The following IRF1 variants were observed in gnomAD, a reference collection of about 807,000 sequenced individuals.
IRF1 encodes interferon regulatory factor-1.
IRF1 carries 13 observed loss-of-function variants against 43.7 expected under a neutral mutation model. That is an observed-to-expected ratio of 0.30 (90% CI 0.19 to 0.47). The LOEUF is 0.47. Ranked by LOEUF, IRF1 falls within the 20% of genes least tolerant of loss-of-function variation. The pLI, the probability that IRF1 is intolerant of heterozygous loss-of-function variation, is 0.99. For synonymous variants in IRF1, 138 were observed against 146.8 expected (o/e 0.94, Z 0.43); for missense variants, 236 against 408.9 (o/e 0.58, Z 3.65).
rs1754419742 is a variant in IRF1, at chr5:132,482,829, T to A, written c.*1122A>T. The A allele has an allele frequency of 6.7e-6, 1 of 149,988 alleles. No individual in the cohort carries two copies. The highest frequency in any genetic ancestry group is 1.5e-5 in the Non-Finnish European group (1 of 67,598). 9.3% of individuals were successfully genotyped at this position (149,988 alleles called of 1,614,324 possible). A position where few individuals can be genotyped will look rare whatever the true frequency, so the allele number is the denominator to read the frequency against. On this transcript the variant is annotated 3_prime_UTR_variant, in exon 10 of 10. Transcript: ENST00000245414. ...CCACGCCCAGCTAATTTTTGCATTT[T>A]TAGTAGAAATGGAGTTTCACCAGGC...
At chr5:132,488,211 C>T in intron 2 of IRF1, 186 bp from the exon 3 acceptor site, 1 of 575,814 alleles carries the variant, frequency 1.7e-6, no homozygotes, top group Admixed American at 3.0e-5. Flanking sequence ...CTCTGGATCT[C>T]TCAGGAGGGA....
intron 6 of IRF1, 76 bp downstream of exon 6, chr5:132,486,481 G>T (rs1754531249): frequency 2.5e-6 from 4 of 1,611,010 alleles, no homozygotes; most frequent in African/African-American, 1.3e-5. Context: ...GCCACCATGT[G>T]CCAGCACCAT....
intron 7 of IRF1, 124 bp from the exon 8 acceptor site, chr5:132,485,840 C>CAA: frequency 2.9e-6 from 2 of 683,562 alleles, no homozygotes; most frequent in Admixed American, 4.2e-5. Context: ...CACACACACA[C>CAA]ACACACACAC....
At position 132,482,686 on chromosome 5, in the gene IRF1, T is replaced by TC. The variant is rs1491458737; in HGVS notation, c.*1264_*1265insG. 1.1e-5 allele frequency: 1 copy of TC among 92,152 alleles called. No individual in the cohort carries two copies. Among genetic ancestry groups the TC allele is most frequent in the East Asian group, 2.8e-4 (1 of 3,552 alleles). The allele number at this position is 92,152 out of a possible 1,614,324, so 5.7% of individuals were successfully genotyped here. ...AGGTTTTTTTTTTTTTTTTTTTTTTTGGTGCCCGGGCTGGAGTGCAATGGC... is the reference window on the plus strand; with the variant it reads ...AGGTTTTTTTTTTTTTTTTTTTTTTTCGGTGCCCGGGCTGGAGTGCAATGGC... On this transcript the variant is annotated 3_prime_UTR_variant, in exon 10 of 10. Coordinates refer to ENST00000245414, the MANE Select transcript of IRF1 (RefSeq NM_002198.3).
chr5:132,486,897 A>G, intron 4 of IRF1, 53 bp from the exon 5 acceptor site: 1 of 1,613,312 alleles, frequency 6.2e-7, no homozygotes, highest in Non-Finnish European at 8.5e-7. Flanking sequence ...GCCCCAGCTG[A>G]CCTCCTTCTA....
At chr5:132,485,849 A>G (rs985274290) in intron 7 of IRF1, 133 bp from the exon 8 acceptor site, 2 of 669,832 alleles carry the variant, frequency 3.0e-6, no homozygotes, top group African/African-American at 1.8e-5. Flanking sequence ...ACACACACAC[A>G]CCCTCCCGGT....
intron 1 of IRF1, 111 bp from the exon 2 acceptor site, chr5:132,489,594 C>T (rs1471654015): frequency 1.3e-6 from 1 of 770,622 alleles, no homozygotes; most frequent in Non-Finnish European, 2.3e-6. Context: ...CAGCCAGCTG[C>T]TAGGTACTAC....
At chr5:132,486,439 C>G in intron 6 of IRF1, 66 bp from the exon 7 acceptor site, 1 of 1,609,810 alleles carries the variant, frequency 6.2e-7, no homozygotes, top group Non-Finnish European at 8.5e-7. Context: ...CATCGAGCGC[C>G]CTCCGACCAA....
At position 132,486,306 on chromosome 5, in the gene IRF1, G is replaced by A. The variant is rs1754524728; in HGVS notation, c.612C>T (p.Asp204=). 1 of 1,613,444 alleles carries A rather than the reference G, an allele frequency of 6.2e-7. No homozygotes were observed. The highest frequency in any genetic ancestry group is 2.2e-5 in the East Asian group (1 of 44,876). The change falls in exon 7 of 10, where the codon GAC becomes GAT. Residue 204 remains aspartate, a synonymous_variant. Transcript: ENST00000245414. Reference sequence around the variant, plus strand: ...GGAAGTTGTACAGATCACTGGTGCTGTCCGGCACAACTTCCACTGGGATGT... The same window carrying A: ...GGAAGTTGTACAGATCACTGGTGCTATCCGGCACAACTTCCACTGGGATGT... ...DWHIPVEVVP[D]STSDLYNFQV... is the part of the protein sequence containing the mutation.
chr5:132,489,650 A>C, intron 1 of IRF1, 167 bp from the exon 2 acceptor site: 1 of 555,500 alleles, frequency 1.8e-6, no homozygotes. Flanking sequence ...TGCTCTCCAA[A>C]TTTTTTCAGC....
chr5:132,482,216 C>CA lies in IRF1; in HGVS notation c.*1734_*1735insT, dbSNP rs1365019716. 7.1e-6 allele frequency: 1 copy of CA among 141,270 alleles called. No homozygotes were observed. The highest frequency in any genetic ancestry group is 1.5e-5 in the Non-Finnish European group (1 of 66,066). 8.8% of individuals were successfully genotyped at this position (141,270 alleles called of 1,614,324 possible). A position where few individuals can be genotyped will look rare whatever the true frequency, so the allele number is the denominator to read the frequency against. On this transcript the variant is annotated 3_prime_UTR_variant, in exon 10 of 10. Transcript: ENST00000245414. ...TACAGGCGCCCGCCACCAGGCCCGGCTAATTTTTTTTTTTTTTTTTGAGAC... is the reference window on the plus strand; with the variant it reads ...TACAGGCGCCCGCCACCAGGCCCGGCATAATTTTTTTTTTTTTTTTTGAGAC...
rs1185102309 is a variant in IRF1, at chr5:132,487,969, G to A, written c.144C>T (p.Ile48=). ...WKHAAKHGWD[I]NKDACLFRSW... ...TCCGGAACAAACAGGCATCCTTGTT[G>A]ATGTCCCAGCCATGCTTGGCAGCAT... The change falls in exon 3 of 10, where the codon ATC becomes ATT. Residue 48 remains isoleucine (I), a synonymous_variant. Transcript: ENST00000245414. 1 of 1,613,514 alleles carries A rather than the reference G, an allele frequency of 6.2e-7. No homozygotes were observed. Among genetic ancestry groups the A allele is most frequent in the Non-Finnish European group, 8.5e-7 (1 of 1,179,984 alleles).
intron 4 of IRF1, 38 bp from the exon 5 acceptor site, chr5:132,486,882 C>T (rs1454391691): frequency 3.1e-6 from 5 of 1,614,150 alleles, no homozygotes; most frequent in Non-Finnish European, 3.4e-6. Context: ...GGTGCAGGCT[C>T]TCCAGCCCCA....
chr5:132,486,145 A>AAG (rs761776770), intron 7 of IRF1, 106 bp downstream of exon 7: 1 of 1,472,890 alleles, frequency 6.8e-7, no homozygotes, highest in Admixed American at 1.7e-5. Context: ...TGCCCAACTC[A>AAG]ATCAATTCAG....
At chr5:132,484,561 C>G (rs1754469283) in intron 8 of IRF1, 64 bp from the exon 9 acceptor site, 7 of 1,600,362 alleles carry the variant, frequency 4.4e-6, no homozygotes, top group Middle Eastern at 1.9e-4. Flanking sequence ...TGTGGCCCTG[C>G]CCTCAATGAG....
Position 132,484,872 on chromosome 5 carries a change from C to T in IRF1, c.718-375G>A, listed in dbSNP as rs143836135. 1.1e-3 allele frequency: 196 copies of T among 171,034 alleles called. 1 individual carries two copies. The highest frequency in any genetic ancestry group is 5.7e-3 in the South Asian group (35 of 6,144). The allele number at this position is 171,034 out of a possible 1,614,324, so 10.6% of individuals were successfully genotyped here. On this transcript the variant is annotated intron_variant, in intron 8 of 9. Coordinates refer to ENST00000245414, the MANE Select transcript of IRF1 (RefSeq NM_002198.3). ...TAGAGATAAGGAACGACATCCATGT[C>T]TCAATTTTTTGGGCTAATGGAACAG...
intron 3 of IRF1, chr5:132,487,713 C>T: frequency 1.7e-6 from 1 of 572,350 alleles, no homozygotes; most frequent in Non-Finnish European, 3.1e-6. Context: ...AAGCCACACA[C>T]TTTCTAAGAT....
intron 8 of IRF1, chr5:132,484,892 G>C (rs1754478600): frequency 6.0e-6 from 1 of 165,662 alleles, no homozygotes; most frequent in Non-Finnish European, 1.3e-5. Context: ...TGGGCTAATG[G>C]AACAGCTGGC....
chr5:132,489,780 G>A (rs549008012), intron 1 of IRF1: 18 of 300,860 alleles, frequency 6.0e-5, no homozygotes, highest in African/African-American at 3.3e-4. Flanking sequence ...AAAATGCACA[G>A]ATACCCTAAT....
Sources: gnomAD v4.1 joint callset for allele counts on GRCh38, gnomAD v4.1.1 for gene constraint, MANE v1.5 for transcripts, NCBI Gene and HGNC (gene_info 2026-07-23, HGNC 2026-07-21) for gene names.